Variants in GPHN observed in about 807,000 individuals in gnomAD.
The protein encoded by GPHN is gephyrin.
In GPHN, 17 loss-of-function variants were observed where a neutral mutation model predicts 95.5. The ratio of observed to expected loss-of-function variants is 0.18; its 90% confidence interval spans 0.12 to 0.27. The LOEUF is 0.27. Ranked by LOEUF, GPHN falls within the 10% of genes least tolerant of loss-of-function variation. The probability of loss-of-function intolerance (pLI) is 1.00; values close to 1 mark genes in which losing one functional copy is unlikely to be tolerated. For missense variants in GPHN, 660 were observed against 978.1 expected (o/e 0.67, Z 4.34); for synonymous variants, 320 against 322.5 (o/e 0.99, Z 0.08).
chr14:67,540,073 T>C, the GPHN span, among the ~76,000 whole-genome samples: 1 of 152,096 alleles, frequency 6.6e-6, no homozygotes, highest in Admixed American at 6.6e-5. Context: ...GCCATGTGGC[T>C]CCTGAGGAAG....
chr14:67,636,119 T>C, the GPHN span, among the ~76,000 whole-genome samples: 1 of 152,146 alleles, frequency 6.6e-6, no homozygotes, highest in Non-Finnish European at 1.5e-5. Context: ...CCATGTCTGT[T>C]ATTCTACCAA....
chr14:67,418,156 G>A, the GPHN span, among the ~76,000 whole-genome samples: 2 of 152,168 alleles, frequency 1.3e-5, no homozygotes, highest in East Asian at 1.9e-4. Context: ...TCTCAAAATC[G>A]CCCTTTGAAT....
intron 9 of GPHN, among the ~76,000 whole-genome samples, chr14:67,000,955 C>T (rs1156840536): frequency 6.6e-6 from 1 of 151,560 alleles, no homozygotes; most frequent in Non-Finnish European, 1.5e-5. Flanking sequence ...GTAGTTGGCA[C>T]TAGCGAATTT....
intron 2 of GPHN, among the ~76,000 whole-genome samples, chr14:66,775,928 G>A (rs946937586): frequency 3.9e-5 from 6 of 152,046 alleles, no homozygotes; most frequent in Non-Finnish European, 7.4e-5. Context: ...TTCAAATTAC[G>A]TAAAAAAAGA....
At chr14:67,182,530 TAG>T (rs1244581100), downstream of GPHN, among the ~76,000 whole-genome samples, 2 of 152,190 alleles carry the variant, frequency 1.3e-5, no homozygotes, top group Non-Finnish European at 2.9e-5. Flanking sequence ...GGTTAGTTAA[TAG>T]AGGTCAAATG....
chr14:66,761,390 A>G (rs2153452964), intron 2 of GPHN, among the ~76,000 whole-genome samples: 1 of 152,314 alleles, frequency 6.6e-6, no homozygotes, highest in East Asian at 1.9e-4. Flanking sequence ...CCCTTTATTA[A>G]TATTATAGAA....
Position 66,548,322 on chromosome 14 carries a change from G to A in GPHN, c.64+39731G>A, listed in dbSNP as rs111814152. ...CAGCCTCCCATGTAGCTGGGATTAC[G>A]GGCGCCCACTACCATGCCTGGCTAA... On this transcript the variant is annotated intron_variant, in intron 1 of 22. Coordinates refer to ENST00000478722, the MANE Select transcript of GPHN (RefSeq NM_020806.5). Among the ~76,000 whole-genome samples the A allele has an allele frequency of 4.8e-3, 734 of 151,482 alleles. 13 individuals carry two copies. The highest frequency in any genetic ancestry group is 0.017 in the African/African-American group (693 of 41,300).
the GPHN span, among the ~76,000 whole-genome samples, chr14:67,272,613 C>T: frequency 1.3e-5 from 2 of 152,026 alleles, no homozygotes; most frequent in Admixed American, 6.6e-5. Flanking sequence ...CACTTTTTGC[C>T]CTCCTATATG....
intron 2 of GPHN, among the ~76,000 whole-genome samples, chr14:66,684,629 G>T (rs1002975717): frequency 6.6e-6 from 1 of 152,138 alleles, no homozygotes; most frequent in Non-Finnish European, 1.5e-5. Flanking sequence ...TTGTTACTGG[G>T]CTTGAATGAA....
intron 18 of GPHN, among the ~76,000 whole-genome samples, chr14:67,150,453 C>CAAAAAAAAAAAAAAAAA (rs1164806975): frequency 1.2e-3 from 118 of 97,516 alleles, no homozygotes; most frequent in African/African-American, 3.4e-3. Flanking sequence ...AAAAAAAAAA[C>CAAAAAAAAAAAAAAAAA]AAAAAAAAAA....
chr14:67,554,903 G>T, the GPHN span, among the ~76,000 whole-genome samples: 1 of 152,226 alleles, frequency 6.6e-6, no homozygotes, highest in South Asian at 2.1e-4. Flanking sequence ...CAGCAAGACA[G>T]AATTTTTACT....
chr14:67,550,544 G>C, the GPHN span, among the ~76,000 whole-genome samples: 2 of 152,208 alleles, frequency 1.3e-5, no homozygotes, highest in Non-Finnish European at 2.9e-5. Context: ...AAAACTGGGG[G>C]TTGCAAACTC....
chr14:67,163,664 G>T (rs1186297684), intron 19 of GPHN, among the ~76,000 whole-genome samples: 1 of 152,048 alleles, frequency 6.6e-6, no homozygotes, highest in African/African-American at 2.4e-5. Context: ...ATTGCAAAAG[G>T]TAAAGAGTGA....
At chr14:67,559,767 C>T in the GPHN span, 1 of 943,854 alleles carries the variant, frequency 1.1e-6, no homozygotes, top group Non-Finnish European at 1.7e-6. Context: ...TTTCCTGCCC[C>T]CTACTGTCTA....
At chr14:66,855,570 G>A (rs1327081403) in intron 4 of GPHN, among the ~76,000 whole-genome samples, 1 of 152,078 alleles carries the variant, frequency 6.6e-6, no homozygotes, top group African/African-American at 2.4e-5. Flanking sequence ...TGGCTATGGG[G>A]ATAGTGCTGT....
At chr14:67,249,223 A>T in the GPHN span, among the ~76,000 whole-genome samples, 1 of 152,156 alleles carries the variant, frequency 6.6e-6, no homozygotes, top group Non-Finnish European at 1.5e-5. Flanking sequence ...CGGCCTCCCA[A>T]AGTGCTGGGA....
At chr14:67,478,944 C>T in the GPHN span, among the ~76,000 whole-genome samples, 9 of 152,312 alleles carry the variant, frequency 5.9e-5, no homozygotes, top group African/African-American at 2.2e-4. Context: ...AATATTCAAC[C>T]TAACTCCGAT....
downstream of GPHN, chr14:67,181,835 G>C (rs905312187): frequency 5.6e-6 from 1 of 177,916 alleles, no homozygotes; most frequent in African/African-American, 2.4e-5. Flanking sequence ...TTTAAAGAGA[G>C]AAGATTGTCA....
chr14:66,900,359 G>C (rs1157575530), intron 5 of GPHN, among the ~76,000 whole-genome samples: 1 of 151,474 alleles, frequency 6.6e-6, no homozygotes, highest in East Asian at 1.9e-4. Flanking sequence ...TAAACTTTAG[G>C]AGCACTGATT....
Sources: allele counts gnomAD v4.1 joint callset (sites outside exome capture counted in the v4.1 genomes callset), GRCh38; gene constraint gnomAD v4.1.1; transcripts MANE v1.5; gene names NCBI Gene and HGNC (gene_info 2026-07-23, HGNC 2026-07-21).